Variants in CBLB observed in about 807,000 individuals in gnomAD.
The protein encoded by CBLB is Cbl proto-oncogene B.
CBLB carries 31 observed loss-of-function variants against 104.9 expected under a neutral mutation model. That is an observed-to-expected ratio of 0.30 (90% CI 0.22 to 0.40). The LOEUF is 0.40. CBLB is among the 10% of genes least tolerant of loss of function. The pLI is 1.00. For synonymous variants in CBLB, 440 were observed against 422.6 expected (o/e 1.04, Z -0.51); for missense variants, 1,062 against 1,214.6 (o/e 0.87, Z 1.87).
At chr3:105,736,390 C>T (rs1184715135) in intron 8 of CBLB, among the ~76,000 whole-genome samples, 1 of 152,002 alleles carries the variant, frequency 6.6e-6, no homozygotes, top group Non-Finnish European at 1.5e-5. Context: ...TGCAACTTGA[C>T]CAAATGAAAT....
intron 3 of CBLB, among the ~76,000 whole-genome samples, chr3:105,833,523 G>A (rs978923211): frequency 6.6e-6 from 1 of 152,054 alleles, no homozygotes; most frequent in Non-Finnish European, 1.5e-5. Context: ...CACTCAGCAA[G>A]ATATTTTCTC....
At chr3:105,760,731 C>CA (rs142264001) in intron 4 of CBLB, among the ~76,000 whole-genome samples, 2,662 of 151,838 alleles carry the variant, frequency 0.018, 71 homozygotes, top group African/African-American at 0.061. Context: ...TAAACTGAGG[C>CA]AAAAAATAAA....
chr3:105,821,012 G>A (rs1696621364), intron 3 of CBLB, among the ~76,000 whole-genome samples: 1 of 152,080 alleles, frequency 6.6e-6, no homozygotes, highest in Admixed American at 6.5e-5. Context: ...GATATAAAGT[G>A]ATGGGTTGTG....
intron 3 of CBLB, among the ~76,000 whole-genome samples, chr3:105,829,562 T>C (rs1330643456): frequency 6.7e-6 from 1 of 149,916 alleles, no homozygotes; most frequent in Non-Finnish European, 1.5e-5. Context: ...GGGAGCCTAC[T>C]TGGAGACTGA....
intron 18 of CBLB, among the ~76,000 whole-genome samples, chr3:105,660,205 A>G (rs1321294268): frequency 1.3e-5 from 2 of 152,164 alleles, no homozygotes; most frequent in East Asian, 3.8e-4. Context: ...TATACATGAG[A>G]TGGAGTTTTA....
At chr3:105,749,329 T>C (rs538206208) in intron 5 of CBLB, among the ~76,000 whole-genome samples, 21 of 152,358 alleles carry the variant, frequency 1.4e-4, no homozygotes, top group African/African-American at 4.8e-4. Flanking sequence ...AAGATTTTCA[T>C]TTTATGATAT....
rs1282816830 is a variant in CBLB, at chr3:105,850,322, G to A, written c.419+3092C>T. ...GGCCAGTATTCATAGAAAATTTAGA[G>A]TTCACATACCTCCATAACTGAATTT... is the stretch of plus-strand genomic sequence containing the variant. On this transcript the variant is annotated intron_variant, in intron 3 of 18. Coordinates refer to ENST00000394030, the MANE Select transcript of CBLB (RefSeq NM_170662.5). Among the ~76,000 whole-genome samples, 10 of 152,074 alleles carry A rather than the reference G, an allele frequency of 6.6e-5. No individual in the cohort carries two copies. In the East Asian group the frequency reaches 1.5e-3, roughly 23 times the overall value.
intron 1 of CBLB, 188 bp downstream of exon 1, chr3:105,868,548 G>T (rs1270490935): frequency 1.2e-5 from 4 of 333,456 alleles, no homozygotes; most frequent in South Asian, 2.8e-4. Flanking sequence ...CTGCCTGGAC[G>T]CCCTCTCCCT....
intron 4 of CBLB, among the ~76,000 whole-genome samples, chr3:105,758,187 CA>C (rs1414693438): frequency 4.6e-5 from 7 of 152,102 alleles, no homozygotes; most frequent in African/African-American, 1.4e-4. Context: ...AAGGGAAAAG[CA>C]ATTGTTTTCC....
intron 3 of CBLB, among the ~76,000 whole-genome samples, chr3:105,848,221 G>T (rs957640550): frequency 1.3e-5 from 2 of 152,008 alleles, no homozygotes; most frequent in Non-Finnish European, 2.9e-5. Context: ...TGGGAAAAAT[G>T]ATATAAAAGA....
chr3:105,660,723 G>C (rs2063711032), intron 18 of CBLB, among the ~76,000 whole-genome samples: 1 of 152,014 alleles, frequency 6.6e-6, no homozygotes. Context: ...TTTCCCAATG[G>C]CTTCAGGAGA....
intron 12 of CBLB, 71 bp downstream of exon 12, chr3:105,702,023 C>T: frequency 6.4e-7 from 1 of 1,569,458 alleles, no homozygotes. Flanking sequence ...CACTTCCCAA[C>T]CTTTTATGCT....
rs16851470 is a variant in CBLB, at chr3:105,700,698, G to A, written c.1959+1396C>T. Among the ~76,000 whole-genome samples the A allele has an allele frequency of 6.2e-3, 939 of 152,302 alleles. 30 individuals are homozygous for A. The highest frequency in any genetic ancestry group is 0.05 in the East Asian group (261 of 5,182). On this transcript the variant is annotated intron_variant, in intron 12 of 18. Coordinates refer to ENST00000394030, the MANE Select transcript of CBLB (RefSeq NM_170662.5). The stretch of plus-strand genomic sequence containing the variant: ...TAATAGATGAGACTGAAGGTACCAA[G>A]GTGAGTCACCAGCAAAGAGTCAAAG...
At chr3:105,701,419 T>C (rs1031329961) in intron 12 of CBLB, among the ~76,000 whole-genome samples, 2 of 152,342 alleles carry the variant, frequency 1.3e-5, no homozygotes, top group African/African-American at 2.4e-5. Flanking sequence ...TTATGACATG[T>C]ATAGTAACAC....
intron 3 of CBLB, among the ~76,000 whole-genome samples, chr3:105,778,270 T>G (rs1393130144): frequency 1.3e-5 from 2 of 152,204 alleles, no homozygotes. Flanking sequence ...CAGACCTTTG[T>G]CATTGAAAGT....
chr3:105,858,930 A>C (rs1421551916), intron 2 of CBLB, among the ~76,000 whole-genome samples: 2 of 152,186 alleles, frequency 1.3e-5, no homozygotes, highest in Non-Finnish European at 2.9e-5. Flanking sequence ...TATATTATTA[A>C]TATATTGGCT....
chr3:105,756,817 C>G (rs577781664), intron 4 of CBLB, among the ~76,000 whole-genome samples: 2 of 152,106 alleles, frequency 1.3e-5, no homozygotes, highest in Admixed American at 1.3e-4. Flanking sequence ...TTTGTTCCCC[C>G]CAAACCTCAT....
chr3:105,704,947 C>T (rs890081725), intron 10 of CBLB, among the ~76,000 whole-genome samples: 1 of 152,052 alleles, frequency 6.6e-6, no homozygotes, highest in Non-Finnish European at 1.5e-5. Flanking sequence ...TGTTTTAATG[C>T]AGCATAACCT....
At chr3:105,830,168 C>T (rs529400662) in intron 3 of CBLB, among the ~76,000 whole-genome samples, 1 of 152,240 alleles carries the variant, frequency 6.6e-6, no homozygotes, top group South Asian at 2.1e-4. Flanking sequence ...GGAAGGCTGT[C>T]CAGGGTATCG....
Sources: gnomAD v4.1 joint callset for allele counts (sites outside exome capture counted in the v4.1 genomes callset) on GRCh38, gnomAD v4.1.1 for gene constraint, MANE v1.5 for transcripts, NCBI Gene and HGNC (gene_info 2026-07-23, HGNC 2026-07-21) for gene names.